Variants in KCNN2 observed in about 807,000 individuals in gnomAD.
KCNN2 encodes the protein potassium calcium-activated channel subfamily N member 2, also known as small conductance calcium-activated potassium channel protein 2.
In KCNN2, 24 loss-of-function variants were observed where a neutral mutation model predicts 55.5. That is an observed-to-expected ratio of 0.43 (90% confidence interval 0.31 to 0.61). The LOEUF is 0.61. Among genes scored for constraint, KCNN2 ranks in the 20% least tolerant of loss-of-function variants. The pLI is 0.08. For missense variants in KCNN2, 754 were observed against 853.6 expected (o/e 0.88, Z 1.45); for synonymous variants, 431 against 336.1 (o/e 1.28, Z -3.09).
intron 2 of KCNN2, among the ~76,000 whole-genome samples, chr5:114,259,035 A>G (rs1755044971): frequency 6.6e-6 from 1 of 152,182 alleles, no homozygotes; most frequent in Non-Finnish European, 1.5e-5. Context: ...GGTTGTGTCT[A>G]TAGCTGTCAG....
chr5:114,283,315 G>A (rs370589679), intron 2 of KCNN2, among the ~76,000 whole-genome samples: 3 of 151,916 alleles, frequency 2.0e-5, no homozygotes, highest in South Asian at 4.2e-4. Flanking sequence ...CTCTTGACCG[G>A]TGTTAAACCC....
upstream of KCNN2, among the ~76,000 whole-genome samples, chr5:114,359,147 A>T (rs757457774): frequency 2.0e-5 from 3 of 152,204 alleles, no homozygotes; most frequent in Non-Finnish European, 4.4e-5. Flanking sequence ...TCTCTGTCCA[A>T]TCACAGTGAG....
intron 2 of KCNN2, among the ~76,000 whole-genome samples, chr5:114,264,655 C>T (rs148105719): frequency 6.6e-6 from 1 of 152,214 alleles, no homozygotes; most frequent in Non-Finnish European, 1.5e-5. Flanking sequence ...TTAAGAGTTG[C>T]CAACTGCAAA....
chr5:114,126,086 C>A (rs965438848), intron 1 of KCNN2, among the ~76,000 whole-genome samples: 6 of 152,094 alleles, frequency 3.9e-5, no homozygotes, highest in Non-Finnish European at 8.8e-5. Flanking sequence ...TGATATTCTC[C>A]TGGTGTCTCT....
At chr5:114,492,888 T>G (rs910018025) in intron 6 of KCNN2, among the ~76,000 whole-genome samples, 2 of 150,504 alleles carry the variant, frequency 1.3e-5, no homozygotes. Flanking sequence ...GAATAAAAGT[T>G]TTTTTTTTTG....
At chr5:114,413,180 T>C (rs1759188243) in intron 3 of KCNN2, among the ~76,000 whole-genome samples, 1 of 152,222 alleles carries the variant, frequency 6.6e-6, no homozygotes, top group African/African-American at 2.4e-5. Flanking sequence ...CCAAATAAAT[T>C]GGTCATTAAA....
At chr5:114,318,001 C>T (rs1197097400) in intron 2 of KCNN2, among the ~76,000 whole-genome samples, 2 of 152,142 alleles carry the variant, frequency 1.3e-5, no homozygotes, top group Non-Finnish European at 2.9e-5. Context: ...CAACAGTACA[C>T]GTGGATGTTT....
At chr5:114,405,773 C>G (rs374172895) in intron 3 of KCNN2, among the ~76,000 whole-genome samples, 1 of 151,704 alleles carries the variant, frequency 6.6e-6, no homozygotes, top group South Asian at 2.1e-4. Context: ...TGCAGTGGCC[C>G]GATCTCGGCT....
intron 1 of KCNN2, among the ~76,000 whole-genome samples, chr5:114,219,838 A>G (rs1396495082): frequency 1.3e-5 from 2 of 152,160 alleles, no homozygotes; most frequent in Admixed American, 6.5e-5. Flanking sequence ...TTTAAAGTCT[A>G]TCAAAAATAA....
At chr5:114,373,014 T>C (rs1404490089) in intron 2 of KCNN2, among the ~76,000 whole-genome samples, 2 of 152,198 alleles carry the variant, frequency 1.3e-5, no homozygotes, top group East Asian at 3.9e-4. Context: ...GAGAAATTAC[T>C]GAATTAAAGG....
intron 1 of KCNN2, among the ~76,000 whole-genome samples, chr5:114,086,200 G>A (rs1030020668): frequency 1.3e-5 from 2 of 151,990 alleles, no homozygotes; most frequent in African/African-American, 4.8e-5. Context: ...ATATAGCTGT[G>A]TGTTTGCTCA....
intron 2 of KCNN2, among the ~76,000 whole-genome samples, chr5:114,252,286 T>C (rs1373903406): frequency 1.3e-5 from 2 of 152,170 alleles, no homozygotes; most frequent in African/African-American, 2.4e-5. Context: ...AAAATCAATA[T>C]AATAAAAATA....
chr5:114,384,511 T>G lies in KCNN2; in HGVS notation c.1219-19927T>G, dbSNP rs745660175. Among the ~76,000 whole-genome samples, 29 of 152,340 alleles carry G rather than the reference T, an allele frequency of 1.9e-4. 1 individual carries two copies. Among genetic ancestry groups the G allele is most frequent in the Admixed American group, 2.6e-4 (4 of 15,304 alleles). On this transcript the variant is annotated intron_variant, in intron 2 of 7. Coordinates refer to ENST00000673685, the MANE Select transcript of KCNN2 (RefSeq NM_021614.4). ...GTTATCTTAGTCTGTGCCGTAAGTG[T>G]GCTTCACTCTGGGATTCCCATCTTA...
chr5:114,468,356 G>A (rs1002209889), intron 4 of KCNN2, among the ~76,000 whole-genome samples: 14 of 152,068 alleles, frequency 9.2e-5, no homozygotes, highest in Non-Finnish European at 1.5e-4. Flanking sequence ...TGTTTTTATG[G>A]TTCTGGCACA....
chr5:114,425,062 G>A (rs1220183117), intron 3 of KCNN2, among the ~76,000 whole-genome samples: 1 of 152,186 alleles, frequency 6.6e-6, no homozygotes, highest in African/African-American at 2.4e-5. Flanking sequence ...ATGGCCCTTG[G>A]CATCTGTGAA....
At chr5:114,091,051 A>T (rs1751133528) in intron 1 of KCNN2, among the ~76,000 whole-genome samples, 3 of 152,064 alleles carry the variant, frequency 2.0e-5, no homozygotes, top group African/African-American at 7.2e-5. Context: ...TGTTGCTCAG[A>T]CTGATCTCAA....
At chr5:114,385,971 A>T (rs930045832) in intron 2 of KCNN2, among the ~76,000 whole-genome samples, 7 of 151,718 alleles carry the variant, frequency 4.6e-5, no homozygotes, top group African/African-American at 1.7e-4. Flanking sequence ...GAGGTCAGGA[A>T]ATCGAGACCA....
chr5:114,273,159 G>A (rs1195626020), intron 2 of KCNN2, among the ~76,000 whole-genome samples: 1 of 152,126 alleles, frequency 6.6e-6, no homozygotes, highest in Admixed American at 6.6e-5. Context: ...AGTTTGCTGA[G>A]ACACATGATT....
chr5:114,292,905 A>G (rs553942304), intron 2 of KCNN2, among the ~76,000 whole-genome samples: 1 of 152,308 alleles, frequency 6.6e-6, no homozygotes, highest in Admixed American at 6.5e-5. Flanking sequence ...GAGGTCCTTC[A>G]CATCCCTTGT....
Sources: allele counts gnomAD v4.1 joint callset (sites outside exome capture counted in the v4.1 genomes callset), GRCh38; gene constraint gnomAD v4.1.1; transcripts MANE v1.5; gene names NCBI Gene and HGNC (gene_info 2026-07-23, HGNC 2026-07-21).